Variants in TG observed in about 807,000 individuals in gnomAD.
The protein encoded by TG is thyroglobulin.
In TG, 270 loss-of-function variants were observed where a neutral mutation model predicts 324.7. The observed-to-expected ratio is 0.83, with a 90% CI of 0.75 to 0.92. TG has a LOEUF of 0.92. Among genes scored for constraint, TG ranks in the 40% least tolerant of loss-of-function variants. The pLI is 0.00. For synonymous variants in TG, 1,401 were observed against 1,327.0 expected, an observed-to-expected ratio of 1.06 and a Z score of -1.21; for missense variants, 3,591 against 3,456.4, an observed-to-expected ratio of 1.04 and a Z score of -0.98.
chr8:133,035,686 C>A (rs1252143056), intron 41 of TG, among the ~76,000 whole-genome samples: 3 of 152,150 alleles, frequency 2.0e-5, no homozygotes, highest in Admixed American at 2.0e-4. Flanking sequence ...TCTCTCTTTG[C>A]CATTATGCAA....
intron 35 of TG, chr8:132,995,415 C>T: frequency 1.0e-6 from 1 of 985,286 alleles, no homozygotes; most frequent in Non-Finnish European, 1.2e-6. Context: ...TGTCTGTGTT[C>T]AAGGCAGCTG....
chr8:133,050,686 A>T, intron 41 of TG: 1 of 654,614 alleles, frequency 1.5e-6, no homozygotes, highest in Non-Finnish European at 2.7e-6. Flanking sequence ...TATGGGTCAA[A>T]TTTCTCACCT....
At chr8:133,027,283 G>C (rs768119168) in intron 40 of TG, among the ~76,000 whole-genome samples, 8 of 152,222 alleles carry the variant, frequency 5.3e-5, no homozygotes, top group African/African-American at 1.9e-4. Flanking sequence ...CAGGAGGTAC[G>C]GGGCAGACCA....
At chr8:132,917,324 A>G (rs1484114101) in intron 20 of TG, among the ~76,000 whole-genome samples, 3 of 151,992 alleles carry the variant, frequency 2.0e-5, no homozygotes, top group Non-Finnish European at 4.4e-5. Flanking sequence ...AAGTCTTGAA[A>G]GGTGAGGAGG....
chr8:132,890,093 A>G (rs1020091139), intron 10 of TG, among the ~76,000 whole-genome samples: 3 of 151,474 alleles, frequency 2.0e-5, no homozygotes, highest in South Asian at 2.1e-4. Context: ...TGAATGCTGG[A>G]TAGAGTGTTA....
rs1822306713 is a variant in TG at position 132,929,068 on chromosome 8, A to G, written c.4700-8A>G. 6.2e-7 allele frequency: 1 copy of G among 1,612,682 alleles called. No individual in the cohort carries two copies. The highest frequency in any genetic ancestry group is 8.5e-7 in the Non-Finnish European group (1 of 1,179,132). Reference sequence around the variant, plus strand: ...GAGTCAGATTTACTAAATCTGCTTTATTTTTAGTGATGCAGAAGTTTGAGA... The same window carrying G: ...GAGTCAGATTTACTAAATCTGCTTTGTTTTTAGTGATGCAGAAGTTTGAGA... On this transcript the variant is annotated splice_region_variant and splice_polypyrimidine_tract_variant and intron_variant, in intron 22 of 47. Coordinates refer to ENST00000220616, the MANE Select transcript of TG (RefSeq NM_003235.5).
At chr8:133,120,294 C>T (rs541107691) in intron 45 of TG, among the ~76,000 whole-genome samples, 14 of 152,344 alleles carry the variant, frequency 9.2e-5, no homozygotes, top group African/African-American at 2.9e-4. Flanking sequence ...GAGTCTTCTA[C>T]ATGAGGGTGA....
intron 36 of TG, among the ~76,000 whole-genome samples, chr8:133,012,873 C>A (rs550845526): frequency 1.3e-5 from 2 of 152,182 alleles, no homozygotes; most frequent in African/African-American, 2.4e-5. Context: ...TTTTTCAGAA[C>A]TGTTCTTAGG....
chr8:133,093,851 A>G (rs1847974501), intron 41 of TG, among the ~76,000 whole-genome samples: 1 of 152,182 alleles, frequency 6.6e-6, no homozygotes, highest in African/African-American at 2.4e-5. Flanking sequence ...GTTACATGGG[A>G]CAGTAAGAGC....
At chr8:132,892,414 G>A (rs1202029136) in intron 10 of TG, among the ~76,000 whole-genome samples, 2 of 152,206 alleles carry the variant, frequency 1.3e-5, no homozygotes, top group African/African-American at 4.8e-5. Flanking sequence ...TGTAGCATGA[G>A]AATAAGAATA....
chr8:133,018,125 A>G, intron 38 of TG, 128 bp downstream of exon 38: 1 of 881,518 alleles, frequency 1.1e-6, no homozygotes, highest in Non-Finnish European at 1.8e-6. Context: ...GATGGAATAT[A>G]TTAGCTAAGA....
intron 27 of TG, among the ~76,000 whole-genome samples, chr8:132,954,017 C>A (rs974479194): frequency 6.6e-6 from 1 of 151,138 alleles, no homozygotes; most frequent in African/African-American, 2.4e-5. Context: ...AAAGCCTTGG[C>A]AGAAATACTA....
At chr8:133,018,471 C>A (rs1304864605) in intron 38 of TG, among the ~76,000 whole-genome samples, 1 of 151,736 alleles carries the variant, frequency 6.6e-6, no homozygotes, top group African/African-American at 2.4e-5. Flanking sequence ...GGAGACACAG[C>A]ATTGAAGGGA....
In TG at chr8:132,882,609, C is replaced by G; in HGVS notation, c.886C>G (p.Arg296Gly). 6.2e-7 allele frequency: 1 copy of G among 1,614,124 alleles called. No individual in the cohort carries two copies. The highest frequency in any genetic ancestry group is 8.5e-7 in the Non-Finnish European group (1 of 1,180,028). ...AVQSVISGRF[R>G]CPTKCEVERF... ...TCAATCAGTCATCTCTGGCAGATTCCGATGTAAGTAATAAACTGCCAACAA... is the reference window on the plus strand; with the variant it reads ...TCAATCAGTCATCTCTGGCAGATTCGGATGTAAGTAATAAACTGCCAACAA... Residue 296 changes from arginine (R) to glycine (G), a missense_variant, in exon 7 of 48, where the codon CGA becomes GGA. Transcript: ENST00000220616.
At chr8:133,133,343 T>C in intron 46 of TG, 127 bp from the exon 47 acceptor site, 2 of 977,304 alleles carry the variant, frequency 2.0e-6, no homozygotes, top group South Asian at 2.7e-5. Flanking sequence ...GGAGTTCACA[T>C]GCAGCCTTGA....
intron 39 of TG, among the ~76,000 whole-genome samples, chr8:133,020,484 C>T (rs1165198881): frequency 2.6e-5 from 4 of 152,148 alleles, no homozygotes; most frequent in African/African-American, 4.8e-5. Context: ...GGTGAGCTAC[C>T]CAATAAAGAT....
chr8:133,009,856 A>G (rs1266157431), intron 35 of TG, among the ~76,000 whole-genome samples: 2 of 151,800 alleles, frequency 1.3e-5, no homozygotes, highest in Non-Finnish European at 2.9e-5. Context: ...ACTGTGAGAA[A>G]TAAATGTTTG....
At chr8:133,050,128 A>G (rs1051457915) in intron 41 of TG, 1 of 678,630 alleles carries the variant, frequency 1.5e-6, no homozygotes, top group African/African-American at 1.8e-5. Context: ...ACGTTAACCC[A>G]TATTTCGTCA....
rs1350222907 is a variant in TG, at chr8:133,101,228, A to G, written c.7572+4855A>G. Among the ~76,000 whole-genome samples the G allele has an allele frequency of 2.6e-5, 4 of 152,196 alleles. No homozygotes were observed. The East Asian group carries it at 7.7e-4, about 29-fold the overall frequency. On this transcript the variant is annotated intron_variant, in intron 43 of 47. Coordinates refer to ENST00000220616, the MANE Select transcript of TG (RefSeq NM_003235.5). ...GGATTCTACCCCACACAGAACTGCA[A>G]GAGGGCACAGTGGACAACCAAGTGG... is the stretch of plus-strand genomic sequence containing the variant.
Sources: gnomAD v4.1 joint callset for allele counts (sites outside exome capture counted in the v4.1 genomes callset) on GRCh38, gnomAD v4.1.1 for gene constraint, MANE v1.5 for transcripts, NCBI Gene and HGNC (gene_info 2026-07-23, HGNC 2026-07-21) for gene names.